The following CDH20 variants were observed in gnomAD, a reference collection of about 807,000 sequenced individuals.
The protein encoded by CDH20 is cadherin 20.
Under a neutral mutation model 74.2 loss-of-function variants are expected in CDH20, and 29 were observed. That is an observed-to-expected ratio of 0.39 (90% confidence interval 0.29 to 0.53). The LOEUF (loss-of-function observed/expected upper bound fraction) is 0.53. Among genes scored for constraint, CDH20 ranks in the 20% least tolerant of loss-of-function variants. The pLI is 0.69. For synonymous variants in CDH20, 469 were observed against 405.4 expected (o/e 1.16, Z -1.88); for missense variants, 988 against 1,048.3 (o/e 0.94, Z 0.79).
At position 61,554,663 on chromosome 18, in the gene CDH20, G is replaced by C; in HGVS notation, c.2374G>C (p.Gly792Arg). 1 of 1,590,190 alleles carries C rather than the reference G, an allele frequency of 6.3e-7. No homozygotes were observed. Among genetic ancestry groups the C allele is most frequent in the Non-Finnish European group, 8.6e-7 (1 of 1,168,552 alleles). ...PRFRKLAELY[G>R]ASEGPAPLW is the part of the protein sequence containing the mutation. ...CTTCCGGAAGCTGGCCGAGCTCTAC[G>C]GGGCGTCGGAGGGACCCGCGCCGCT... is the stretch of plus-strand genomic sequence containing the variant. The change falls in exon 12 of 12, where the codon GGG (glycine) becomes CGG (arginine). Residue 792 changes from glycine to arginine, a missense_variant. This residue lies in a region of CDH20 where 375 missense variants were observed against 293.1 expected (regional missense o/e 1.28). Transcript: ENST00000262717.
intron 6 of CDH20, among the ~76,000 whole-genome samples, chr18:61,521,727 G>A (rs997586998): frequency 4.1e-5 from 6 of 145,410 alleles, no homozygotes; most frequent in East Asian, 1.9e-4. Context: ...TATCCACCAC[G>A]ATCAAGTTGG....
At chr18:61,422,191 A>G (rs1015454794) in intron 1 of CDH20, among the ~76,000 whole-genome samples, 1 of 152,152 alleles carries the variant, frequency 6.6e-6, no homozygotes, top group African/African-American at 2.4e-5. Flanking sequence ...AAGCTTAAAG[A>G]CATAATTAAA....
At chr18:61,546,696 A>T (rs1199046648) in intron 10 of CDH20, among the ~76,000 whole-genome samples, 2 of 152,218 alleles carry the variant, frequency 1.3e-5, no homozygotes, top group African/African-American at 4.8e-5. Flanking sequence ...CAAATTTCTT[A>T]AAGAGGACTT....
intron 1 of CDH20, among the ~76,000 whole-genome samples, chr18:61,392,917 C>T (rs992778427): frequency 6.6e-6 from 1 of 152,106 alleles, no homozygotes; most frequent in African/African-American, 2.4e-5. Context: ...GGCTGTTGCA[C>T]CTCACTTCCA....
intron 7 of CDH20, among the ~76,000 whole-genome samples, chr18:61,529,938 C>A (rs978260608): frequency 2.0e-5 from 3 of 152,044 alleles, no homozygotes; most frequent in Non-Finnish European, 4.4e-5. Flanking sequence ...CCACTAGAAC[C>A]CAGGCAGGAT....
chr18:61,416,066 A>G (rs1321041289), intron 1 of CDH20, among the ~76,000 whole-genome samples: 1 of 152,042 alleles, frequency 6.6e-6, no homozygotes, highest in Non-Finnish European at 1.5e-5. Context: ...TATTAAGATC[A>G]CTATAAGAAC....
chr18:61,537,966 C>G (rs1479172706), intron 8 of CDH20, among the ~76,000 whole-genome samples: 2 of 151,876 alleles, frequency 1.3e-5, no homozygotes, highest in Non-Finnish European at 2.9e-5. Flanking sequence ...GGGGTGGTGA[C>G]CAAAACAGAA....
At chr18:61,524,919 T>TA (rs546661097) in intron 6 of CDH20, among the ~76,000 whole-genome samples, 194 of 138,368 alleles carry the variant, frequency 1.4e-3, no homozygotes, top group African/African-American at 2.4e-3. Flanking sequence ...AGACGCTGTC[T>TA]AAAAAAAAAA....
chr18:61,501,694 G>A (rs976533715), intron 4 of CDH20, among the ~76,000 whole-genome samples: 9 of 152,164 alleles, frequency 5.9e-5, no homozygotes, highest in Admixed American at 2.0e-4. Flanking sequence ...GTAAGGGAGT[G>A]TAAATTAGGA....
At chr18:61,414,819 A>C (rs987360377) in intron 1 of CDH20, among the ~76,000 whole-genome samples, 4 of 152,066 alleles carry the variant, frequency 2.6e-5, no homozygotes, top group Non-Finnish European at 5.9e-5. Context: ...ATAATTGGAT[A>C]GAATATAAAT....
At chr18:61,536,041 T>A (rs1026120005) in intron 7 of CDH20, among the ~76,000 whole-genome samples, 4 of 152,292 alleles carry the variant, frequency 2.6e-5, no homozygotes, top group Non-Finnish European at 4.4e-5. Flanking sequence ...TCTCAATAGT[T>A]GATACAAATT....
At chr18:61,394,696 A>G (rs1911904879) in intron 1 of CDH20, among the ~76,000 whole-genome samples, 1 of 152,106 alleles carries the variant, frequency 6.6e-6, no homozygotes, top group African/African-American at 2.4e-5. Flanking sequence ...GAATATGCTC[A>G]CTGCTTTACC....
intron 1 of CDH20, among the ~76,000 whole-genome samples, chr18:61,342,582 C>T (rs184717172): frequency 5.9e-5 from 9 of 152,328 alleles, no homozygotes; most frequent in Admixed American, 5.9e-4. Flanking sequence ...TACTTAACAG[C>T]ATCTCTGTCT....
intron 6 of CDH20, among the ~76,000 whole-genome samples, chr18:61,510,598 T>C (rs1053050118): frequency 2.0e-5 from 3 of 152,214 alleles, no homozygotes; most frequent in Non-Finnish European, 2.9e-5. Flanking sequence ...TGTATTTATT[T>C]AAGATGCAAT....
chr18:61,350,028 C>A (rs1483333305), intron 1 of CDH20, among the ~76,000 whole-genome samples: 1 of 152,058 alleles, frequency 6.6e-6, no homozygotes, highest in Non-Finnish European at 1.5e-5. Context: ...AAGTGACTTT[C>A]CTAGCAGTCA....
chr18:61,428,267 G>A (rs562734019), intron 1 of CDH20, among the ~76,000 whole-genome samples: 31 of 152,166 alleles, frequency 2.0e-4, no homozygotes, highest in Admixed American at 5.9e-4. Context: ...GAGATCCCTC[G>A]GGCTCTGTTT....
intron 1 of CDH20, among the ~76,000 whole-genome samples, chr18:61,483,368 C>T (rs10163745): frequency 0.31 from 47,290 of 151,958 alleles, 7,734 homozygotes; most frequent in South Asian, 0.49. Context: ...TGAGAGGCTC[C>T]GGTGAAAGGT....
chr18:61,523,779 T>A (rs1476975918), intron 6 of CDH20, among the ~76,000 whole-genome samples: 1 of 151,900 alleles, frequency 6.6e-6, no homozygotes, highest in Non-Finnish European at 1.5e-5. Context: ...GGGACATGGA[T>A]GAAACCACCA....
Position 61,448,517 on chromosome 18 carries a change from G to A in CDH20, c.-152-41885G>A, listed in dbSNP as rs376040897. Among the ~76,000 whole-genome samples the A allele has an allele frequency of 3.9e-5, 6 of 152,200 alleles. No individual in the cohort carries two copies. In the East Asian group the frequency reaches 9.6e-4, roughly 24 times the overall value. On this transcript the variant is annotated intron_variant, in intron 1 of 11. Coordinates refer to ENST00000262717, the MANE Select transcript of CDH20 (RefSeq NM_031891.4). ...ATTATGTAAACTGCCCTTTCAGGAA[G>A]TGCGACTGTGGCAGGAGGAAGTTAA... is the stretch of plus-strand genomic sequence containing the variant.
Sources: gnomAD v4.1 joint callset for allele counts (sites outside exome capture counted in the v4.1 genomes callset) on GRCh38, gnomAD v4.1.1 for gene constraint, gnomAD v4.1.1 regional missense constraint, MANE v1.5 for transcripts, NCBI Gene and HGNC (gene_info 2026-07-23, HGNC 2026-07-21) for gene names.